TTN: variants seen among roughly 807,000 people sequenced by gnomAD.
The protein encoded by TTN is titin, also known as connectin.
In TTN, 1,525 loss-of-function variants were observed where a neutral mutation model predicts 3,223.0. The observed-to-expected ratio is 0.47, with a 90% CI of 0.45 to 0.49. TTN has a LOEUF of 0.49. Ranked by LOEUF, TTN falls within the 20% of genes least tolerant of loss-of-function variation. TTN has a pLI of 0.00. For missense variants in TTN, 40,786 were observed against 43,424.0 expected (o/e 0.94, Z 5.40); for synonymous variants, 14,094 against 15,161.0 (o/e 0.93, Z 5.17).
At chr2:178,595,366 A>G in intron 295 of TTN, 141 bp downstream of exon 295, 1 of 744,634 alleles carries the variant, frequency 1.3e-6, no homozygotes, top group South Asian at 1.8e-5. Flanking sequence ...AATACTACCA[A>G]ATCAGATACT....
Position 178,647,073 on chromosome 2 carries a change from G to T in TTN, c.40213C>A (p.Pro13405Thr). Residue 13405 changes from proline (P) to threonine (T), a missense_variant, in exon 215 of 363, where the codon CCT (proline) becomes ACT (threonine). Physicochemically the swap from Pro to Thr is conservative, Grantham distance 38. Transcript: ENST00000589042. ...ATATATATATATATACCTTCAACAG[G>T]GGGAGTCTCTTTTCTACCAATGGTT... is the stretch of plus-strand genomic sequence containing the variant. ...SITIGRKETPPVEEREIEKYI... is the reference protein window; with the variant it reads ...SITIGRKETPTVEEREIEKYI... 1 of 1,288,260 alleles carries T rather than the reference G, an allele frequency of 7.8e-7. No individual in the cohort carries two copies. Among genetic ancestry groups the T allele is most frequent in the Non-Finnish European group, 1.0e-6 (1 of 981,566 alleles). 79.8% of individuals were successfully genotyped at this position (1,288,260 alleles called of 1,614,324 possible). A position where few individuals can be genotyped will look rare whatever the true frequency, so the allele number is the denominator to read the frequency against.
Position 178,551,622 on chromosome 2 carries a change from T to A in TTN, c.91270+8A>T. 1 of 1,550,900 alleles carries A rather than the reference T, an allele frequency of 6.4e-7. No individual in the cohort carries two copies. Among genetic ancestry groups the A allele is most frequent in the Non-Finnish European group, 8.7e-7 (1 of 1,150,966 alleles). ...TAAACTAAATGTATTTGAATAATAA[T>A]CACTTACCTACTGGAGAAACAGCTA... is the stretch of plus-strand genomic sequence containing the variant. On this transcript the variant is annotated splice_region_variant and intron_variant, in intron 335 of 362. Coordinates refer to ENST00000589042, the MANE Select transcript of TTN (RefSeq NM_001267550.2).
intron 47 of TTN, chr2:178,745,796 C>A (rs1408487255): frequency 6.2e-7 from 1 of 1,613,260 alleles, no homozygotes; most frequent in African/African-American, 1.3e-5. Flanking sequence ...ACGAACTAAG[C>A]ACTGAAAATA....
intron 288 of TTN, chr2:178,600,505 TG>T (rs2053092611): frequency 1.8e-5 from 4 of 223,100 alleles, no homozygotes; most frequent in Non-Finnish European, 3.7e-5. Flanking sequence ...TGAAGATAAA[TG>T]GGTCTCAGCA....
chr2:178,597,437 A>G, intron 294 of TTN, 101 bp downstream of exon 294: 1 of 1,365,520 alleles, frequency 7.3e-7, no homozygotes, highest in Non-Finnish European at 9.8e-7. Flanking sequence ...GATTTTTCTT[A>G]TTTTCCAAAA....
Position 178,571,578 on chromosome 2 carries a change from A to C in TTN, c.74554T>G (p.Ser24852Ala). 1 of 1,613,252 alleles carries C rather than the reference A, an allele frequency of 6.2e-7. No homozygotes were observed. Among genetic ancestry groups the C allele is most frequent in the Non-Finnish European group, 8.5e-7 (1 of 1,179,586 alleles). The part of the protein sequence containing the change: ...NNYIVEKRDT[S>A]TTTWQIVSAT... ...GATACAATTTGCCAGGTGGTTGTGG[A>C]AGTGTCCCGTTTCTCAACAATGTAA... Residue 24852 changes from serine to alanine, a missense_variant, in exon 326 of 363, where the codon TCC becomes GCC. Coordinates refer to ENST00000589042, the MANE Select transcript of TTN (RefSeq NM_001267550.2).
chr2:178,669,466 A>G lies in TTN; in HGVS notation c.35471-19T>C. On this transcript the variant is annotated intron_variant, in intron 158 of 362. Coordinates refer to ENST00000589042, the MANE Select transcript of TTN (RefSeq NM_001267550.2). ...CCAGGAACTTTAAAGATATTAGTAT[A>G]TTAATTGTTACAGATAACAAATATA... 1 of 1,555,554 alleles carries G rather than the reference A, an allele frequency of 6.4e-7. No individual in the cohort carries two copies. Among genetic ancestry groups the G allele is most frequent in the Non-Finnish European group, 8.6e-7 (1 of 1,156,486 alleles).
chr2:178,664,751 G>A lies in TTN; in HGVS notation c.36119-14C>T. The A allele has an allele frequency of 6.2e-7, 1 of 1,611,936 alleles. No homozygotes were observed. Among genetic ancestry groups the A allele is most frequent in the Non-Finnish European group, 8.5e-7 (1 of 1,179,452 alleles). On this transcript the variant is annotated splice_polypyrimidine_tract_variant and intron_variant, in intron 166 of 362. Transcript: ENST00000589042. ...GAGCTTCAGGCACTTTAAGAAATTAGTAGTTTTATGTTTAGTGTTATGCAG... is the reference window on the plus strand; with the variant it reads ...GAGCTTCAGGCACTTTAAGAAATTAATAGTTTTATGTTTAGTGTTATGCAG...
chr2:178,727,978 T>C, intron 67 of TTN, 115 bp from the exon 68 acceptor site: 1 of 1,416,104 alleles, frequency 7.1e-7, no homozygotes. Context: ...TGAATATTTC[T>C]TGAACACAAT....
chr2:178,538,056 T>C, intron 354 of TTN, 139 bp from the exon 355 acceptor site: 1 of 812,250 alleles, frequency 1.2e-6, no homozygotes, highest in East Asian at 2.7e-5. Flanking sequence ...TTAAAAACTC[T>C]TTGAAGTGAT....
rs727504208 is a variant in TTN at position 178,775,825 on chromosome 2, A to C, written c.6039T>G (p.Ile2013Met). 7.4e-6 allele frequency: 12 copies of C among 1,613,824 alleles called. No individual in the cohort carries two copies. Among genetic ancestry groups the C allele is most frequent in the Non-Finnish European group, 1.0e-5 (12 of 1,179,966 alleles). Residue 2013 changes from isoleucine to methionine, a missense_variant, in exon 28 of 363, where the codon ATT becomes ATG. Physicochemically the swap from Ile to Met is conservative, Grantham distance 10. Transcript: ENST00000589042. Reference sequence around the variant, plus strand: ...TTCGAGACTTGAGCTCCACAGCGGTAATGGCTTCATAATAGCCCTCTTCTG... The same window carrying C: ...TTCGAGACTTGAGCTCCACAGCGGTCATGGCTTCATAATAGCCCTCTTCTG... ...RRTEEGYYEAITAVELKSRKK... is the reference protein window; with the variant it reads ...RRTEEGYYEAMTAVELKSRKK...
Position 178,549,974 on chromosome 2 carries a change from T to C in TTN, c.91852+12A>G. On this transcript the variant is annotated intron_variant, in intron 337 of 362. Transcript: ENST00000589042. ...CATAAATTGTAGCATTAAGAAGCTA[T>C]TTTAAAAGTACCTTGTACTTTCACT... 2 of 1,594,210 alleles carry C rather than the reference T, an allele frequency of 1.3e-6. No homozygotes were observed. Among genetic ancestry groups the C allele is most frequent in the Non-Finnish European group, 1.7e-6 (2 of 1,168,416 alleles).
At position 178,710,827 on chromosome 2, in the gene TTN, G is replaced by T. The variant is rs748778927; in HGVS notation, c.28270C>A (p.Gln9424Lys). ...ADFECHVTGTQPIKVSWAKDS... is the reference protein window; with the variant it reads ...ADFECHVTGTKPIKVSWAKDS... ...TTGGCCCAGCTGACCTTTATCGGTT[G>T]TGTGCCCGTGACGTGGCACTCAAAG... The change falls in exon 98 of 363, where the codon CAA (glutamine) becomes AAA (lysine). Residue 9424 changes from glutamine to lysine, a missense_variant. Physicochemically the swap from Gln to Lys is moderately conservative, Grantham distance 53. Coordinates refer to ENST00000589042, the MANE Select transcript of TTN (RefSeq NM_001267550.2). 7 of 1,613,734 alleles carry T rather than the reference G, an allele frequency of 4.3e-6. No individual in the cohort carries two copies. The African/African-American group carries it at 5.3e-5, about 12-fold the overall frequency.
At position 178,777,060 on chromosome 2, in the gene TTN, T is replaced by G. The variant is rs1420008705; in HGVS notation, c.4815-11A>C. The stretch of plus-strand genomic sequence containing the variant: ...TTGGTTCCTTCAATTCTATAAAAAG[T>G]TGGGGGAGGGAATAATCAATATAGT... On this transcript the variant is annotated splice_polypyrimidine_tract_variant and intron_variant, in intron 27 of 362. Coordinates refer to ENST00000589042, the MANE Select transcript of TTN (RefSeq NM_001267550.2). 6 of 1,613,966 alleles carry G rather than the reference T, an allele frequency of 3.7e-6. No homozygotes were observed. The highest frequency in any genetic ancestry group is 2.2e-5 in the East Asian group (1 of 44,858).
intron 228 of TTN, 124 bp downstream of exon 228, chr2:178,635,041 G>T: frequency 1.4e-6 from 2 of 1,446,762 alleles, no homozygotes; most frequent in Non-Finnish European, 1.9e-6. Context: ...TTTCCTTCTT[G>T]GAGACTTTAG....
intron 47 of TTN, chr2:178,750,041 G>T (rs2084965609): frequency 6.2e-7 from 1 of 1,613,156 alleles, no homozygotes; most frequent in African/African-American, 1.3e-5. Context: ...CACTTCTTTA[G>T]ACTCTTTATC....
At chr2:178,737,270 T>C (rs2081635945) in intron 49 of TTN, 1 of 152,028 alleles carries the variant, frequency 6.6e-6, no homozygotes, top group African/African-American at 2.4e-5. Context: ...AAATTGGGAA[T>C]AGGATATTTG....
chr2:178,664,774 C>A, intron 166 of TTN, 37 bp from the exon 167 acceptor site: 1 of 1,610,458 alleles, frequency 6.2e-7, no homozygotes, highest in East Asian at 2.2e-5. Flanking sequence ...TAGTGTTATG[C>A]AGATAACTAG....
rs756660589 is a variant in TTN, at chr2:178,718,735, A to G, written c.24465T>C (p.Asp8155=). 7.4e-6 allele frequency: 12 copies of G among 1,613,816 alleles called. No homozygotes were observed. The highest frequency in any genetic ancestry group is 2.2e-5 in the East Asian group (1 of 44,868). Residue 8155 remains aspartate, a synonymous_variant, in exon 84 of 363, where the codon GAT becomes GAC. Coordinates refer to ENST00000589042, the MANE Select transcript of TTN (RefSeq NM_001267550.2). ...GTGTGGTACAGGAAGCACTGCCAGC[A>G]TCATTTGTAACGAGGCAAGAATAGT... is the stretch of plus-strand genomic sequence containing the variant. ...SGDYSCLVTN[D]AGSASCTTHL... is the part of the protein sequence containing the mutation.
Sources: allele counts gnomAD v4.1 joint callset, GRCh38; gene constraint gnomAD v4.1.1; transcripts MANE v1.5; gene names NCBI Gene and HGNC (gene_info 2026-07-23, HGNC 2026-07-21).